The following MITF variants were observed in gnomAD, a reference collection of about 807,000 sequenced individuals.
The protein encoded by MITF is melanocyte inducing transcription factor, also known as microphthalmia-associated transcription factor.
Under a neutral mutation model 60.5 loss-of-function variants are expected in MITF, and 17 were observed. The observed-to-expected ratio is 0.28, with a 90% CI of 0.19 to 0.42. The LOEUF (loss-of-function observed/expected upper bound fraction) is 0.42. Among genes scored for constraint, MITF ranks in the 10% least tolerant of loss-of-function variants. The pLI, the probability that MITF is intolerant of heterozygous loss-of-function variation, is 1.00. For synonymous variants in MITF, 260 were observed against 248.5 expected (o/e 1.05, Z -0.43); for missense variants, 622 against 683.5 (o/e 0.91, Z 1.00).
At chr3:69,900,349 A>G (rs1045125350) in intron 2 of MITF, among the ~76,000 whole-genome samples, 1 of 152,124 alleles carries the variant, frequency 6.6e-6, no homozygotes, top group Non-Finnish European at 1.5e-5. Context: ...TCTTGCCTAC[A>G]TTTTCCTGTT....
intron 2 of MITF, among the ~76,000 whole-genome samples, chr3:69,909,946 G>A (rs1417551874): frequency 1.3e-5 from 2 of 152,206 alleles, no homozygotes; most frequent in Non-Finnish European, 2.9e-5. Context: ...GTAGCAAGGA[G>A]CCTAATGTTA....
chr3:69,854,940 A>T (rs1348522376), intron 1 of MITF, among the ~76,000 whole-genome samples: 3 of 152,208 alleles, frequency 2.0e-5, no homozygotes, highest in African/African-American at 7.2e-5. Flanking sequence ...GAATCACAGA[A>T]GTTACCTTCC....
At chr3:69,889,025 GTTT>G (rs4057977) in intron 2 of MITF, among the ~76,000 whole-genome samples, 13 of 58,806 alleles carry the variant, frequency 2.2e-4, no homozygotes, top group Non-Finnish European at 3.9e-4. Context: ...ATAGCCTTTG[GTTT>G]TTTTTTTTTT....
chr3:69,931,761 A>T (rs188085503), intron 2 of MITF, among the ~76,000 whole-genome samples: 172 of 152,292 alleles, frequency 1.1e-3, no homozygotes, highest in Non-Finnish European at 8.7e-4. Flanking sequence ...TGCACCTGGA[A>T]TACACCCCTG....
intron 1 of MITF, among the ~76,000 whole-genome samples, chr3:69,771,093 T>C (rs2062386588): frequency 6.6e-6 from 1 of 152,196 alleles, no homozygotes; most frequent in Non-Finnish European, 1.5e-5. Context: ...TGATTTTATG[T>C]AGGTGGACCT....
At chr3:69,884,937 C>A (rs2064575669) in intron 2 of MITF, among the ~76,000 whole-genome samples, 2 of 152,240 alleles carry the variant, frequency 1.3e-5, no homozygotes, top group South Asian at 4.1e-4. Context: ...GAATTAATCC[C>A]AGTTTCTGGA....
chr3:69,757,268 C>G (rs1050308182), intron 1 of MITF, among the ~76,000 whole-genome samples: 1 of 152,126 alleles, frequency 6.6e-6, no homozygotes, highest in South Asian at 2.1e-4. Flanking sequence ...GTAGGATTCT[C>G]AAGGCAGTGT....
intron 1 of MITF, among the ~76,000 whole-genome samples, chr3:69,861,759 G>A (rs2064020967): frequency 6.6e-6 from 1 of 152,128 alleles, no homozygotes; most frequent in Non-Finnish European, 1.5e-5. Context: ...ATAAATGTTT[G>A]GATTGAAGGG....
intron 7 of MITF, among the ~76,000 whole-genome samples, chr3:69,952,288 G>A (rs2066276078): frequency 6.6e-6 from 1 of 152,078 alleles, no homozygotes; most frequent in South Asian, 2.1e-4. Flanking sequence ...AAGAAAGAAA[G>A]AAACAGATCT....
intron 2 of MITF, among the ~76,000 whole-genome samples, chr3:69,894,917 G>T (rs1575904554): frequency 6.6e-6 from 1 of 152,082 alleles, no homozygotes; most frequent in East Asian, 1.9e-4. Flanking sequence ...TCTCCAACCA[G>T]TCTTGCAAAG....
At chr3:69,795,466 C>G (rs541917967) in intron 1 of MITF, among the ~76,000 whole-genome samples, 2 of 152,086 alleles carry the variant, frequency 1.3e-5, no homozygotes, top group Non-Finnish European at 2.9e-5. Flanking sequence ...CGGCTTATTC[C>G]TATAATCTTA....
chr3:69,962,478 A>G (rs1444532649), intron 9 of MITF, among the ~76,000 whole-genome samples: 2 of 152,142 alleles, frequency 1.3e-5, no homozygotes, highest in Non-Finnish European at 2.9e-5. Flanking sequence ...AGACCCAAAA[A>G]CCTTGAATTT....
intron 1 of MITF, among the ~76,000 whole-genome samples, chr3:69,755,055 T>G (rs1221983413): frequency 1.3e-5 from 2 of 152,130 alleles, no homozygotes; most frequent in Non-Finnish European, 2.9e-5. Flanking sequence ...TGGTGAAAGG[T>G]GGGATGCCTA....
At chr3:69,775,694 A>G (rs543562046) in intron 1 of MITF, among the ~76,000 whole-genome samples, 19 of 152,280 alleles carry the variant, frequency 1.2e-4, no homozygotes, top group Non-Finnish European at 2.6e-4. Context: ...ACCACTTTTC[A>G]TTAATAGGAT....
intron 8 of MITF, among the ~76,000 whole-genome samples, chr3:69,957,527 A>T (rs1458437420): frequency 6.6e-6 from 1 of 152,204 alleles, no homozygotes; most frequent in Non-Finnish European, 1.5e-5. Context: ...AAGGAAAGGC[A>T]TTTTCAAACC....
At chr3:69,942,457 A>G (rs771618819) in intron 5 of MITF, among the ~76,000 whole-genome samples, 1 of 151,730 alleles carries the variant, frequency 6.6e-6, no homozygotes, top group Non-Finnish European at 1.5e-5. Context: ...TATAGTTAGC[A>G]TTTTCTTTTC....
rs752788538 is a variant in MITF at position 69,951,806 on chromosome 3, G to A, written c.881-6G>A. ...CAACTTCTAATGACTTCATTCACGT[G>A]CACAGCGTGTATTTTTCCCACAGAG... On this transcript the variant is annotated splice_region_variant and splice_polypyrimidine_tract_variant and intron_variant, in intron 6 of 9. Coordinates refer to ENST00000352241, the MANE Select transcript of MITF (RefSeq NM_001354604.2). 2.3e-5 allele frequency: 37 copies of A among 1,611,884 alleles called. No homozygotes were observed. In the African/African-American group the frequency reaches 4.3e-4, roughly 19 times the overall value.
rs577626830 is a variant in MITF at position 69,824,013 on chromosome 3, C to G, written c.105-55121C>G. 6.6e-5 allele frequency among the ~76,000 whole-genome samples: 10 copies of G among 152,218 alleles called. No individual in the cohort carries two copies. The South Asian group carries it at 2.1e-3, about 32-fold the overall frequency. On this transcript the variant is annotated intron_variant, in intron 1 of 9. Coordinates refer to ENST00000352241, the MANE Select transcript of MITF (RefSeq NM_001354604.2). ...TACCACATTCATGTAAATGGCCAGG[C>G]AAAGGTCAAAATATGAGCAACATTA... is the stretch of plus-strand genomic sequence containing the variant.
At chr3:69,869,596 C>T (rs937223922) in intron 1 of MITF, among the ~76,000 whole-genome samples, 1 of 152,148 alleles carries the variant, frequency 6.6e-6, no homozygotes. Flanking sequence ...TTCTCTTCCC[C>T]ACCTCTAGTC....
Sources: allele counts gnomAD v4.1 joint callset (sites outside exome capture counted in the v4.1 genomes callset), GRCh38; gene constraint gnomAD v4.1.1; transcripts MANE v1.5; gene names NCBI Gene and HGNC (gene_info 2026-07-23, HGNC 2026-07-21).